Variants in POFUT3 observed in about 807,000 individuals in gnomAD.
The protein encoded by POFUT3 is protein O-fucosyltransferase 3.
the POFUT3 span, chr8:33,372,454 C>T: frequency 3.0e-5 from 43 of 1,448,962 alleles, no homozygotes; most frequent in African/African-American, 5.9e-4. Context: ...ATGAGTACTG[C>T]AGCAACTAAT....
At chr8:33,333,374 G>C in the POFUT3 span, among the ~76,000 whole-genome samples, 2,416 of 152,292 alleles carry the variant, frequency 0.016, 32 homozygotes, top group Non-Finnish European at 0.023. Context: ...AGGACCTTTG[G>C]ATGAAAAGAC....
At chr8:33,350,584 A>T in the POFUT3 span, among the ~76,000 whole-genome samples, 4 of 152,222 alleles carry the variant, frequency 2.6e-5, no homozygotes, top group Non-Finnish European at 5.9e-5. Flanking sequence ...AGAGGAGGCA[A>T]GAAAGAAATA....
chr8:33,396,085 G>A, the POFUT3 span, among the ~76,000 whole-genome samples: 1,242 of 152,306 alleles, frequency 8.2e-3, 8 homozygotes, highest in Non-Finnish European at 0.014. Context: ...TAAGCAGACA[G>A]TGGTGATAGC....
chr8:33,356,100 T>G, the POFUT3 span, among the ~76,000 whole-genome samples: 1 of 152,200 alleles, frequency 6.6e-6, no homozygotes, highest in Non-Finnish European at 1.5e-5. Flanking sequence ...GTTCCAAGTC[T>G]TTGCTATTGT....
the POFUT3 span, among the ~76,000 whole-genome samples, chr8:33,377,742 G>A: frequency 6.6e-6 from 1 of 152,176 alleles, no homozygotes; most frequent in Admixed American, 6.5e-5. Context: ...TCCAGCTGAG[G>A]TCTTGTGCGG....
the POFUT3 span, among the ~76,000 whole-genome samples, chr8:33,390,978 C>T: frequency 6.6e-6 from 1 of 152,114 alleles, no homozygotes; most frequent in Non-Finnish European, 1.5e-5. Context: ...AGGTAATATA[C>T]AATTTCTGAA....
chr8:33,382,991 A>C, the POFUT3 span, among the ~76,000 whole-genome samples: 1 of 152,140 alleles, frequency 6.6e-6, no homozygotes, highest in Non-Finnish European at 1.5e-5. Context: ...AAGGTAGAGC[A>C]AGTTAGGACC....
the POFUT3 span, among the ~76,000 whole-genome samples, chr8:33,327,635 C>T: frequency 3.3e-5 from 5 of 152,294 alleles, no homozygotes; most frequent in Admixed American, 3.3e-4. Flanking sequence ...CACACAAGTT[C>T]ATACACTTAA....
the POFUT3 span, among the ~76,000 whole-genome samples, chr8:33,415,977 A>G: frequency 6.6e-6 from 1 of 152,250 alleles, no homozygotes; most frequent in Admixed American, 6.5e-5. Context: ...TAGTCAATGT[A>G]AGGTAAACCT....
the POFUT3 span, among the ~76,000 whole-genome samples, chr8:33,342,404 G>C: frequency 1.3e-5 from 2 of 150,634 alleles, no homozygotes; most frequent in Non-Finnish European, 3.0e-5. Context: ...CTGACCAAAG[G>C]GAAAAAATAT....
the POFUT3 span, among the ~76,000 whole-genome samples, chr8:33,311,064 G>T: frequency 2.6e-5 from 4 of 152,150 alleles, no homozygotes; most frequent in Non-Finnish European, 5.9e-5. Flanking sequence ...ACATATCCTT[G>T]ATAATATCCA....
At chr8:33,425,784 G>A in the POFUT3 span, among the ~76,000 whole-genome samples, 1 of 151,476 alleles carries the variant, frequency 6.6e-6, no homozygotes, top group African/African-American at 2.4e-5. Flanking sequence ...AAATTAGCCA[G>A]CCCTGGTGGT....
the POFUT3 span, among the ~76,000 whole-genome samples, chr8:33,348,861 G>C: frequency 6.6e-6 from 1 of 152,114 alleles, no homozygotes; most frequent in Non-Finnish European, 1.5e-5. Context: ...ATTCAGACAA[G>C]GGCTATATCA....
At chr8:33,318,981 AT>A in the POFUT3 span, among the ~76,000 whole-genome samples, 2 of 41,862 alleles carry the variant, frequency 4.8e-5, no homozygotes, top group African/African-American at 2.8e-4. Context: ...ATATATTTAT[AT>A]AATACATAAA....
the POFUT3 span, among the ~76,000 whole-genome samples, chr8:33,434,016 C>A: frequency 6.7e-6 from 1 of 149,480 alleles, no homozygotes; most frequent in East Asian, 2.0e-4. Context: ...GTAATCCCAG[C>A]ACTTTGGGAG....
At chr8:33,316,560 A>C in the POFUT3 span, among the ~76,000 whole-genome samples, 2 of 117,404 alleles carry the variant, frequency 1.7e-5, no homozygotes, top group African/African-American at 8.1e-5. Context: ...ATCTCTACTA[A>C]AACTACAAAA....
the POFUT3 span, among the ~76,000 whole-genome samples, chr8:33,386,046 G>A: frequency 9.2e-4 from 140 of 151,810 alleles, 5 homozygotes; most frequent in South Asian, 0.026. Flanking sequence ...AAAATTAGCC[G>A]GGTGTGGTGG....
the POFUT3 span, among the ~76,000 whole-genome samples, chr8:33,343,984 T>C: frequency 1.3e-5 from 2 of 152,194 alleles, no homozygotes; most frequent in Non-Finnish European, 2.9e-5. Flanking sequence ...TCCCTTTGCC[T>C]ATGCAAATCA....
the POFUT3 span, among the ~76,000 whole-genome samples, chr8:33,444,288 C>G: frequency 6.6e-6 from 1 of 151,838 alleles, no homozygotes; most frequent in Non-Finnish European, 1.5e-5. Flanking sequence ...AGAAATGCAC[C>G]CCAGTTGGAG....
Sources: allele counts gnomAD v4.1 joint callset (sites outside exome capture counted in the v4.1 genomes callset), GRCh38; gene constraint gnomAD v4.1.1; transcripts MANE v1.5; gene names NCBI Gene and HGNC (gene_info 2026-07-23, HGNC 2026-07-21).